The following SH3GL3 variants were observed in gnomAD, a reference collection of about 807,000 sequenced individuals.
The protein encoded by SH3GL3 is SH3 domain containing GRB2 like 3, endophilin A3.
Under a neutral mutation model 47.7 loss-of-function variants are expected in SH3GL3, and 33 were observed. That is an observed-to-expected ratio of 0.69 (90% CI 0.52 to 0.92). SH3GL3 has a LOEUF of 0.92. Ranked by LOEUF, SH3GL3 falls within the 40% of genes least tolerant of loss-of-function variation. The pLI is 0.00. For missense variants in SH3GL3, 363 were observed against 417.8 expected (o/e 0.87, Z 1.14); for synonymous variants, 155 against 148.8 (o/e 1.04, Z -0.30).
chr15:83,571,543 A>G (rs1225613969), intron 4 of SH3GL3, among the ~76,000 whole-genome samples: 1 of 151,456 alleles, frequency 6.6e-6, no homozygotes, highest in Non-Finnish European at 1.5e-5. Context: ...AACGGTTCCT[A>G]CTTCTGTTTT....
chr15:83,485,227 CTTAT>C (rs1338761348), intron 1 of SH3GL3, among the ~76,000 whole-genome samples: 1 of 152,016 alleles, frequency 6.6e-6, no homozygotes, highest in Non-Finnish European at 1.5e-5. Flanking sequence ...CTGGTAAGTG[CTTAT>C]TTATTGTTTG....
At chr15:83,522,305 T>A (rs1482674117) in intron 1 of SH3GL3, among the ~76,000 whole-genome samples, 1 of 152,154 alleles carries the variant, frequency 6.6e-6, no homozygotes. Context: ...TCAAGCAGAT[T>A]ATTTGCTTGA....
chr15:83,580,685 G>T (rs749078863), intron 6 of SH3GL3, among the ~76,000 whole-genome samples: 4 of 152,354 alleles, frequency 2.6e-5, no homozygotes, highest in Admixed American at 6.5e-5. Context: ...AGTCCTGTTG[G>T]CACTTTCCCC....
chr15:83,501,217 A>T (rs912725887), intron 1 of SH3GL3, among the ~76,000 whole-genome samples: 4 of 152,248 alleles, frequency 2.6e-5, no homozygotes, highest in African/African-American at 4.8e-5. Context: ...TATAACATTT[A>T]TGAAAGTAAA....
At chr15:83,450,733 A>T (rs1595993524) in intron 1 of SH3GL3, among the ~76,000 whole-genome samples, 9 of 104,464 alleles carry the variant, frequency 8.6e-5, no homozygotes, top group East Asian at 2.6e-4. Flanking sequence ...AATATGCATT[A>T]TCCTTTATTA....
intron 8 of SH3GL3, among the ~76,000 whole-genome samples, chr15:83,608,465 C>G (rs557998445): frequency 2.9e-4 from 44 of 152,274 alleles, no homozygotes; most frequent in African/African-American, 9.9e-4. Context: ...CAGCATTAGA[C>G]ACCAGTGTTG....
At chr15:83,473,056 G>T (rs889958613) in intron 1 of SH3GL3, among the ~76,000 whole-genome samples, 6 of 152,164 alleles carry the variant, frequency 3.9e-5, no homozygotes, top group African/African-American at 1.2e-4. Context: ...TCTGCACTTG[G>T]CCTCAACTGA....
At chr15:83,549,513 G>C (rs1440560715) in intron 1 of SH3GL3, among the ~76,000 whole-genome samples, 3 of 152,162 alleles carry the variant, frequency 2.0e-5, no homozygotes, top group African/African-American at 7.2e-5. Context: ...ATTCAGGGAT[G>C]AATTAAAATC....
intron 1 of SH3GL3, among the ~76,000 whole-genome samples, chr15:83,473,985 C>CA (rs2040976351): frequency 6.6e-6 from 1 of 152,034 alleles, no homozygotes; most frequent in Non-Finnish European, 1.5e-5. Context: ...CCCAGGGTCC[C>CA]AAGCTGGTGT....
intron 8 of SH3GL3, among the ~76,000 whole-genome samples, chr15:83,605,926 A>G (rs944158773): frequency 1.3e-5 from 2 of 152,194 alleles, no homozygotes; most frequent in Non-Finnish European, 2.9e-5. Flanking sequence ...TTTGTGACCC[A>G]TGCTCAAGTA....
At chr15:83,503,738 C>T (rs183526588) in intron 1 of SH3GL3, among the ~76,000 whole-genome samples, 98 of 152,316 alleles carry the variant, frequency 6.4e-4, no homozygotes, top group African/African-American at 2.3e-3. Flanking sequence ...TTCTGTGCTA[C>T]TGTCTTTGGC....
chr15:83,572,474 A>G (rs2059567861), intron 4 of SH3GL3, 91 bp from the exon 5 acceptor site: 1 of 1,123,758 alleles, frequency 8.9e-7, no homozygotes. Flanking sequence ...ACCATCATCC[A>G]CACACTTTTG....
chr15:83,539,500 C>T (rs943255221), intron 1 of SH3GL3, among the ~76,000 whole-genome samples: 6 of 152,158 alleles, frequency 3.9e-5, no homozygotes, highest in African/African-American at 7.2e-5. Flanking sequence ...TTTGAGGGGA[C>T]GCAAACATTC....
chr15:83,530,221 T>C (rs1164801894), intron 1 of SH3GL3, among the ~76,000 whole-genome samples: 1 of 152,024 alleles, frequency 6.6e-6, no homozygotes, highest in Non-Finnish European at 1.5e-5. Context: ...CACTGTTAGT[T>C]CTCTTTCTGG....
At chr15:83,586,125 G>A (rs1261700853) in intron 6 of SH3GL3, among the ~76,000 whole-genome samples, 1 of 152,168 alleles carries the variant, frequency 6.6e-6, no homozygotes, top group Non-Finnish European at 1.5e-5. Flanking sequence ...TCTTGCTGGG[G>A]GAGGCCCATC....
At chr15:83,506,460 A>T (rs2042507228) in intron 1 of SH3GL3, among the ~76,000 whole-genome samples, 1 of 152,078 alleles carries the variant, frequency 6.6e-6, no homozygotes, top group South Asian at 2.1e-4. Context: ...ACCTACTTGT[A>T]GTTGTTGTGC....
intron 3 of SH3GL3, among the ~76,000 whole-genome samples, chr15:83,566,034 T>A (rs1045108927): frequency 6.6e-6 from 1 of 152,226 alleles, no homozygotes; most frequent in Non-Finnish European, 1.5e-5. Flanking sequence ...ACATCAGTGA[T>A]TGAAATCAGC....
chr15:83,476,430 A>T (rs151165416), intron 1 of SH3GL3, among the ~76,000 whole-genome samples: 304 of 152,346 alleles, frequency 2.0e-3, no homozygotes, highest in African/African-American at 7.0e-3. Context: ...TTCATCATTC[A>T]TTGGAGCCAG....
intron 1 of SH3GL3, among the ~76,000 whole-genome samples, chr15:83,500,854 C>G (rs1229172226): frequency 6.6e-6 from 1 of 152,218 alleles, no homozygotes; most frequent in South Asian, 2.1e-4. Flanking sequence ...TGGCCTTGCT[C>G]TCTTTCCTCA....
Sources: allele counts gnomAD v4.1 joint callset (sites outside exome capture counted in the v4.1 genomes callset), GRCh38; gene constraint gnomAD v4.1.1; transcripts MANE v1.5; gene names NCBI Gene and HGNC (gene_info 2026-07-23, HGNC 2026-07-21).